HK1: variants seen among roughly 807,000 people sequenced by gnomAD.
The protein encoded by HK1 is hexokinase 1, also known as hexokinase-1.
HK1 carries 28 observed loss-of-function variants against 91.6 expected under a neutral mutation model. That is an observed-to-expected ratio of 0.31 (90% CI 0.23 to 0.42). HK1 has a LOEUF of 0.42. HK1 is among the 10% of genes least tolerant of loss of function. HK1 has a pLI of 1.00. For synonymous variants in HK1, 430 were observed against 468.1 expected (o/e 0.92, Z 1.05); for missense variants, 770 against 1,219.8 (o/e 0.63, Z 5.49).
At chr10:69,385,213 CT>C (rs1284259913) in intron 12 of HK1, among the ~76,000 whole-genome samples, 1 of 152,162 alleles carries the variant, frequency 6.6e-6, no homozygotes, top group Non-Finnish European at 1.5e-5. Flanking sequence ...GCTTATAACA[CT>C]TCTTACACAG....
chr10:69,392,928 C>T (rs558630601), intron 15 of HK1, among the ~76,000 whole-genome samples: 1 of 152,324 alleles, frequency 6.6e-6, no homozygotes, highest in Admixed American at 6.5e-5. Flanking sequence ...TTTCTAAATA[C>T]CACCCATGCT....
chr10:69,288,719 G>A (rs1193795552), exon 3 of HK1: 11 of 1,612,628 alleles, frequency 6.8e-6, no homozygotes, highest in Non-Finnish European at 9.3e-6. Context: ...GAAAGGACCC[G>A]AGGTCAGCAA....
chr10:69,378,671 TG>T (rs1388166742), intron 8 of HK1, among the ~76,000 whole-genome samples: 1 of 152,126 alleles, frequency 6.6e-6, no homozygotes, highest in Non-Finnish European at 1.5e-5. Context: ...CCTCCCACTT[TG>T]GCCTCCCAAA....
intron 5 of HK1, among the ~76,000 whole-genome samples, chr10:69,304,410 C>T (rs200873416): frequency 4.6e-5 from 7 of 151,954 alleles, no homozygotes; most frequent in East Asian, 3.9e-4. Context: ...TGGATTCAAG[C>T]GATTCTCCTG....
At chr10:69,357,038 C>T (rs1849172794) in intron 2 of HK1, among the ~76,000 whole-genome samples, 1 of 152,134 alleles carries the variant, frequency 6.6e-6, no homozygotes, top group Non-Finnish European at 1.5e-5. Flanking sequence ...AGAAGTCAGA[C>T]TGTAATAAGT....
chr10:69,401,134 A>G lies in HK1; in HGVS notation c.2753A>G (p.Ter918=). Residue 918 remains the stop codon, a stop_retained_variant, in exon 18 of 18, where the codon TAA becomes TGA. Transcript: ENST00000359426. The stretch of plus-strand genomic sequence containing the variant: ...CGGTTACGCACAGAGGCAAGCAGCT[A>G]AGAGTCCGGGATCCCCAGCCTACTG... ...GVRLRTEASS[*] 2 of 1,613,466 alleles carry G rather than the reference A, an allele frequency of 1.2e-6. No homozygotes were observed. The highest frequency in any genetic ancestry group is 8.5e-7 in the Non-Finnish European group (1 of 1,179,888).
chr10:69,276,584 G>A (rs753372690), intron 1 of HK1, among the ~76,000 whole-genome samples: 29 of 151,856 alleles, frequency 1.9e-4, no homozygotes, highest in Non-Finnish European at 3.4e-4. Context: ...GCTCCAACCC[G>A]GGAGGCGGAG....
At chr10:69,375,096 CT>C (rs1220985941) in intron 7 of HK1, among the ~76,000 whole-genome samples, 1 of 152,190 alleles carries the variant, frequency 6.6e-6, no homozygotes, top group Non-Finnish European at 1.5e-5. Context: ...GTTATATAAC[CT>C]TTCTGTGCCT....
chr10:69,304,865 G>T (rs185184785), intron 5 of HK1, among the ~76,000 whole-genome samples: 276 of 152,288 alleles, frequency 1.8e-3, no homozygotes, highest in Non-Finnish European at 3.0e-3. Context: ...CCTTGTAGCT[G>T]TAGGATTCAC....
chr10:69,322,122 A>C (rs1847069353), intron 1 of HK1, among the ~76,000 whole-genome samples: 1 of 152,200 alleles, frequency 6.6e-6, no homozygotes, highest in African/African-American at 2.4e-5. Context: ...CTGTTTGTTT[A>C]GAAAGGGAAG....
chr10:69,394,864 G>A, intron 15 of HK1, 86 bp from the exon 16 acceptor site: 1 of 1,343,880 alleles, frequency 7.4e-7, no homozygotes, highest in East Asian at 2.3e-5. Flanking sequence ...GGGGCAGTAG[G>A]AGACGCGGAG....
chr10:69,298,934 A>G (rs1038951023), intron 4 of HK1, among the ~76,000 whole-genome samples: 1 of 151,168 alleles, frequency 6.6e-6, no homozygotes, highest in African/African-American at 2.5e-5. Context: ...GTTCATCTTT[A>G]TCTCTTTATT....
chr10:69,286,599 AGTGCAATG>A (rs749793457), intron 2 of HK1, among the ~76,000 whole-genome samples: 20 of 150,090 alleles, frequency 1.3e-4, no homozygotes, highest in Non-Finnish European at 2.1e-4. Context: ...TCCTGGCTGG[AGTGCAATG>A]GTGCAATCTC....
upstream of HK1, chr10:69,317,911 C>T: frequency 9.9e-6 from 3 of 302,738 alleles, no homozygotes; most frequent in South Asian, 1.3e-4. Context: ...CCTGGTAGCA[C>T]CTCTAGGGAG....
Position 69,382,480 on chromosome 10 carries a change from C to T in HK1, c.1266-7C>T. 6.2e-7 allele frequency: 1 copy of T among 1,614,164 alleles called. No homozygotes were observed. The highest frequency in any genetic ancestry group is 1.3e-5 in the African/African-American group (1 of 75,054). On this transcript the variant is annotated splice_region_variant and splice_polypyrimidine_tract_variant and intron_variant, in intron 9 of 17. Coordinates refer to ENST00000359426, the MANE Select transcript of HK1 (RefSeq NM_000188.3). ...CTGTTGTGGAATGTCCCCCCTGCCC[C>T]CATAAGGTATTCCCGGCGTTTCCAC...
At chr10:69,378,710 G>A (rs1486576391) in intron 8 of HK1, among the ~76,000 whole-genome samples, 1 of 152,132 alleles carries the variant, frequency 6.6e-6, no homozygotes, top group East Asian at 1.9e-4. Context: ...GTGAGCCACT[G>A]TGCCCAGCCC....
chr10:69,318,367 C>A, upstream of HK1: 1 of 325,400 alleles, frequency 3.1e-6, no homozygotes, highest in Non-Finnish European at 4.4e-6. Context: ...ACCTCGGCGT[C>A]CACCGGACTC....
chr10:69,326,085 C>T (rs1189542428), intron 1 of HK1, among the ~76,000 whole-genome samples: 3 of 150,662 alleles, frequency 2.0e-5, no homozygotes, highest in East Asian at 1.9e-4. Context: ...TCACCCGCCT[C>T]GGCCTCCCAA....
At chr10:69,400,885 G>A in intron 17 of HK1, 106 bp from the exon 18 acceptor site, 2 of 1,216,118 alleles carry the variant, frequency 1.6e-6, no homozygotes, top group Non-Finnish European at 2.4e-6. Flanking sequence ...AGAATCCTAA[G>A]TCGAATCATC....
Sources: gnomAD v4.1 joint callset for allele counts (sites outside exome capture counted in the v4.1 genomes callset) on GRCh38, gnomAD v4.1.1 for gene constraint, MANE v1.5 for transcripts, NCBI Gene and HGNC (gene_info 2026-07-23, HGNC 2026-07-21) for gene names.